BATF3: variants seen among roughly 807,000 people sequenced by gnomAD.
The protein encoded by BATF3 is basic leucine zipper transcriptional factor ATF-like 3.
A neutral mutation model predicts 16.1 loss-of-function variants in BATF3; 8 were observed. The ratio of observed to expected loss-of-function variants is 0.50; its 90% CI spans 0.29 to 0.90. The LOEUF is 0.90. BATF3 is among the 40% of genes least tolerant of loss of function. The probability of loss-of-function intolerance (pLI) is 0.08; values close to 1 mark genes in which losing one functional copy is unlikely to be tolerated. For synonymous variants in BATF3, 74 were observed against 72.7 expected (o/e 1.02, Z -0.09); for missense variants, 139 against 167.0 (o/e 0.83, Z 0.92).
At chr1:212,696,497 G>GTA (rs1366918099) in intron 2 of BATF3, among the ~76,000 whole-genome samples, 3 of 151,968 alleles carry the variant, frequency 2.0e-5, no homozygotes, top group South Asian at 2.1e-4. Flanking sequence ...TTGTTTGTGT[G>GTA]TATATATATG....
chr1:212,698,770 G>A (rs1282247765), intron 1 of BATF3: 5 of 152,218 alleles, frequency 3.3e-5, no homozygotes, highest in Admixed American at 2.6e-4. Context: ...ACAGAAAGAG[G>A]TGAGCGAAAG....
chr1:212,691,692 G>T (rs1201621978), intron 2 of BATF3, among the ~76,000 whole-genome samples: 1 of 152,250 alleles, frequency 6.6e-6, no homozygotes. Context: ...TTGTCAGTTT[G>T]TGACATTTGG....
At position 212,699,811 on chromosome 1, in the gene BATF3, G is replaced by T. The variant is rs890875973; in HGVS notation, c.-49C>A. ...CCGCCCCGCCCCGCCCGCGCGCCCT[G>T]CCCGTGGGGCTGCCTACGGGCGCTG... On this transcript the variant is annotated 5_prime_UTR_variant, in exon 1 of 3. Coordinates refer to ENST00000243440, the MANE Select transcript of BATF3 (RefSeq NM_018664.3). This position sits in a 1 kb window ranked among gnomAD's most constrained non-coding sequence, Gnocchi z 4.4. 2.8e-5 allele frequency: 28 copies of T among 992,772 alleles called. No homozygotes were observed. Among genetic ancestry groups the T allele is most frequent in the African/African-American group, 5.3e-5 (2 of 37,536 alleles). The allele number at this position is 992,772 out of a possible 1,614,324, so 61.5% of individuals were successfully genotyped here.
intron 2 of BATF3, among the ~76,000 whole-genome samples, chr1:212,688,645 C>T (rs1656921546): frequency 6.6e-6 from 1 of 152,220 alleles, no homozygotes; most frequent in South Asian, 2.1e-4. Context: ...CATCCACTAA[C>T]TTAACACACA....
chr1:212,697,819 T>G (rs1657167397), intron 1 of BATF3: 1 of 152,154 alleles, frequency 6.6e-6, no homozygotes, highest in African/African-American at 2.4e-5. Context: ...GTAAAAACAC[T>G]TCAATCAGCT....
At chr1:212,698,884 G>C (rs1321828370) in intron 1 of BATF3, 1 of 152,284 alleles carries the variant, frequency 6.6e-6, no homozygotes, top group Non-Finnish European at 1.5e-5. Flanking sequence ...TGGACGGTCC[G>C]AGAGGTTAAA....
At position 212,689,693 on chromosome 1, in the gene BATF3, G is replaced by A. The variant is rs564715075; in HGVS notation, c.196-2714C>T. 6.6e-5 allele frequency among the ~76,000 whole-genome samples: 10 copies of A among 151,694 alleles called. No homozygotes were observed. The highest frequency in any genetic ancestry group is 1.5e-4 in the African/African-American group (6 of 41,316). On this transcript the variant is annotated intron_variant, in intron 2 of 2. Transcript: ENST00000243440. This position sits in a 1 kb window ranked among gnomAD's most constrained non-coding sequence, Gnocchi z 4.6. ...GAGAAAAGCTGCAGCACACACACAC[G>A]TCTGCAAACACACACTCACACACTC... is the stretch of plus-strand genomic sequence containing the variant.
intron 2 of BATF3, among the ~76,000 whole-genome samples, chr1:212,691,856 G>T (rs965308886): frequency 1.3e-5 from 2 of 152,216 alleles, no homozygotes; most frequent in African/African-American, 2.4e-5. Context: ...TGTTCACTTT[G>T]GTTCTCATTT....
chr1:212,693,180 A>G lies in BATF3; in HGVS notation c.195+3781T>C, dbSNP rs186016057. On this transcript the variant is annotated intron_variant, in intron 2 of 2. Coordinates refer to ENST00000243440, the MANE Select transcript of BATF3 (RefSeq NM_018664.3). ...CCTCCAATAGTAGATTTAGTCATCC[A>G]ATGATACACACAGCTACAATGCCCT... Among the ~76,000 whole-genome samples, 64 of 152,362 alleles carry G rather than the reference A, an allele frequency of 4.2e-4. 2 individuals carry two copies. Among genetic ancestry groups the G allele is most frequent in the Admixed American group, 3.7e-3 (56 of 15,310 alleles).
At chr1:212,697,202 A>G in intron 1 of BATF3, 137 bp from the exon 2 acceptor site, 2 of 663,672 alleles carry the variant, frequency 3.0e-6, no homozygotes, top group South Asian at 1.8e-5. Flanking sequence ...TGCTATACCA[A>G]TGGGCTCACA....
chr1:212,695,786 G>A (rs1041036685), intron 2 of BATF3, among the ~76,000 whole-genome samples: 1 of 152,196 alleles, frequency 6.6e-6, no homozygotes, highest in Admixed American at 6.5e-5. Flanking sequence ...TCCTGGTATG[G>A]AGCAGCTCCA....
chr1:212,693,148 T>C (rs1657040286), intron 2 of BATF3, among the ~76,000 whole-genome samples: 1 of 152,216 alleles, frequency 6.6e-6, no homozygotes, highest in Non-Finnish European at 1.5e-5. Context: ...TTAAACCAGA[T>C]ACCTTGCCTC....
intron 2 of BATF3, among the ~76,000 whole-genome samples, chr1:212,692,380 G>A (rs1007594211): frequency 6.6e-6 from 1 of 152,044 alleles, no homozygotes; most frequent in Non-Finnish European, 1.5e-5. Flanking sequence ...AAAAACCCAG[G>A]AAGACGAAAG....
intron 2 of BATF3, among the ~76,000 whole-genome samples, chr1:212,688,001 A>AAAGAAAGAAAGAC (rs1656894085): frequency 1.0e-5 from 1 of 99,594 alleles, no homozygotes. Context: ...GAAAGAAAGG[A>AAAGAAAGAAAGAC]AGGAAGGAAG....
chr1:212,697,773 C>T (rs188641400), intron 1 of BATF3: 134 of 152,246 alleles, frequency 8.8e-4, no homozygotes, highest in African/African-American at 3.2e-3. Context: ...CAATAGTGAT[C>T]ATGAAACAGG....
At chr1:212,692,362 A>AT (rs5780698) in intron 2 of BATF3, among the ~76,000 whole-genome samples, 18,941 of 152,088 alleles carry the variant, frequency 0.12, 1,283 homozygotes, top group Middle Eastern at 0.2. Context: ...AGTGTTCCAT[A>AT]TTTTTTTAAA....
chr1:212,688,189 C>T (rs1189757279), intron 2 of BATF3, among the ~76,000 whole-genome samples: 1 of 151,920 alleles, frequency 6.6e-6, no homozygotes, highest in African/African-American at 2.4e-5. Context: ...TTTTCAATAT[C>T]GCAGTTCTTG....
chr1:212,689,190 A>T lies in BATF3; in HGVS notation c.196-2211T>A, dbSNP rs1236131965. On this transcript the variant is annotated intron_variant, in intron 2 of 2. Transcript: ENST00000243440. The surrounding 1 kb of genome is among the most constrained non-coding windows in gnomAD (Gnocchi z 4.6). ...TGTAAAGGACCTAGGAACTTCTGCT[A>T]CTCCTCTCCTCTACCCCCTGCCTGA... 6.6e-6 allele frequency among the ~76,000 whole-genome samples: 1 copy of T among 151,680 alleles called. No homozygotes were observed. Among genetic ancestry groups the T allele is most frequent in the East Asian group, 1.9e-4 (1 of 5,164 alleles).
In BATF3 at chr1:212,686,932, G is replaced by A. The variant is rs940265288; in HGVS notation, c.243C>T (p.Ile81=). Residue 81 remains isoleucine, a synonymous_variant, in exon 3 of 3, where the codon ATC becomes ATT. Transcript: ENST00000243440. ...GCTTCAGCTCCTCTGTCAGCTTCCC[G>A]ATCTCTCTCCGCAGCATGGTGTTTT... ...EQENTMLRRE[I]GKLTEELKHL... is the part of the protein sequence containing the mutation. 32 of 1,613,654 alleles carry A rather than the reference G, an allele frequency of 2.0e-5. No individual in the cohort carries two copies. The highest frequency in any genetic ancestry group is 1.6e-4 in the Middle Eastern group (1 of 6,084).
Sources: gnomAD v4.1 joint callset for allele counts (sites outside exome capture counted in the v4.1 genomes callset) on GRCh38, gnomAD v4.1.1 for gene constraint, Gnocchi (gnomAD v3.1) non-coding constraint, MANE v1.5 for transcripts, NCBI Gene and HGNC (gene_info 2026-07-23, HGNC 2026-07-21) for gene names.